Variants in TTBK2 observed in about 807,000 individuals in gnomAD.
TTBK2 encodes tau tubulin kinase 2, also known as tau-tubulin kinase 2.
TTBK2 carries 28 observed loss-of-function variants against 110.8 expected under a neutral mutation model. That is an observed-to-expected ratio of 0.25 (90% CI 0.19 to 0.35). The LOEUF (loss-of-function observed/expected upper bound fraction) is 0.35. TTBK2 is among the 10% of genes least tolerant of loss of function. The probability of loss-of-function intolerance (pLI) is 1.00; values close to 1 mark genes in which losing one functional copy is unlikely to be tolerated. For synonymous variants in TTBK2, 532 were observed against 527.3 expected (o/e 1.01, Z -0.12); for missense variants, 1,369 against 1,500.3 (o/e 0.91, Z 1.45).
At chr15:42,763,179 T>TATATATAC (rs1889160690) in intron 13 of TTBK2, among the ~76,000 whole-genome samples, 1 of 22,364 alleles carries the variant, frequency 4.5e-5, no homozygotes, top group Non-Finnish European at 8.1e-5. Context: ...TATATATATA[T>TATATATAC]ATATATATAT....
In TTBK2 at chr15:42,741,522, T is replaced by TA. The variant is rs1420516459; in HGVS notation, c.*4272dup. ...TCCATCTCCTCAGTGACACAGGTGCTAAAGTACCTCTCCCCTGAGGCAAAG... is the reference window on the plus strand; with the variant it reads ...TCCATCTCCTCAGTGACACAGGTGCTAAAAGTACCTCTCCCCTGAGGCAAAG... On this transcript the variant is annotated 3_prime_UTR_variant, in exon 15 of 15. Coordinates refer to ENST00000267890, the MANE Select transcript of TTBK2 (RefSeq NM_173500.4). 1.3e-5 allele frequency: 2 copies of TA among 152,200 alleles called. No individual in the cohort carries two copies. Among genetic ancestry groups the TA allele is most frequent in the Non-Finnish European group, 2.9e-5 (2 of 68,042 alleles). 9.4% of individuals were successfully genotyped at this position (152,200 alleles called of 1,614,324 possible). A position where few individuals can be genotyped will look rare whatever the true frequency, so the allele number is the denominator to read the frequency against.
chr15:42,811,572 T>C, intron 8 of TTBK2, 116 bp downstream of exon 8: 3 of 775,538 alleles, frequency 3.9e-6, no homozygotes, highest in Non-Finnish European at 6.5e-6. Context: ...TGGGACATAG[T>C]GAAAATGCTT....
intron 13 of TTBK2, among the ~76,000 whole-genome samples, chr15:42,760,408 A>AAC: frequency 6.8e-6 from 1 of 146,992 alleles, no homozygotes; most frequent in African/African-American, 2.7e-5. Context: ...AAAAAACAAA[A>AAC]AAAGAATTCA....
intron 4 of TTBK2, 33 bp from the exon 5 acceptor site, chr15:42,830,111 G>A: frequency 6.2e-7 from 1 of 1,612,822 alleles, no homozygotes; most frequent in Non-Finnish European, 8.5e-7. Context: ...TTCAAATACA[G>A]TACTAAAACT....
At chr15:42,833,142 A>C (rs1432378636) in intron 4 of TTBK2, among the ~76,000 whole-genome samples, 2 of 151,748 alleles carry the variant, frequency 1.3e-5, no homozygotes, top group Middle Eastern at 3.4e-3. Flanking sequence ...ACAAAAAAAA[A>C]CCCATGACAC....
intron 3 of TTBK2, among the ~76,000 whole-genome samples, chr15:42,868,591 T>A (rs1237612340): frequency 1.3e-5 from 2 of 151,866 alleles, no homozygotes; most frequent in African/African-American, 4.8e-5. Context: ...GTGTGGTGGT[T>A]CACACCTTTA....
intron 3 of TTBK2, among the ~76,000 whole-genome samples, chr15:42,864,721 T>C (rs1488204321): frequency 6.6e-6 from 1 of 152,124 alleles, no homozygotes; most frequent in Non-Finnish European, 1.5e-5. Context: ...GCAGTAGACT[T>C]CTCTTACAAG....
rs961384412 is a variant in TTBK2, at chr15:42,777,109, C to T, written c.1331G>A (p.Arg444His). 43 of 1,614,048 alleles carry T rather than the reference C, an allele frequency of 2.7e-5. No individual in the cohort carries two copies. Among genetic ancestry groups the T allele is most frequent in the Non-Finnish European group, 3.0e-5 (35 of 1,180,042 alleles). Residue 444 changes from arginine to histidine, a missense_variant, in exon 12 of 15, where the codon CGT becomes CAT. Physicochemically the swap from Arg to His is conservative, Grantham distance 29. Coordinates refer to ENST00000267890, the MANE Select transcript of TTBK2 (RefSeq NM_173500.4). ...DRDIPLVRKL[R>H]SIHSFELEKR... is the part of the protein sequence containing the mutation. ...TTCCAGCTCAAAGCTGTGAATGGAACGTAACTTTCGCACCAGTGGAATATC... is the reference window on the plus strand; with the variant it reads ...TTCCAGCTCAAAGCTGTGAATGGAATGTAACTTTCGCACCAGTGGAATATC...
chr15:42,855,685 T>C (rs1893904907), intron 3 of TTBK2, among the ~76,000 whole-genome samples: 1 of 152,166 alleles, frequency 6.6e-6, no homozygotes, highest in South Asian at 2.1e-4. Flanking sequence ...TTATTTATTA[T>C]ATATTGATTT....
chr15:42,822,559 G>A (rs1892349217), intron 6 of TTBK2, among the ~76,000 whole-genome samples: 1 of 151,978 alleles, frequency 6.6e-6, no homozygotes, highest in Non-Finnish European at 1.5e-5. Flanking sequence ...GTTGGTGTTA[G>A]AGAAACAAAT....
intron 13 of TTBK2, among the ~76,000 whole-genome samples, chr15:42,755,016 A>AC (rs1413420830): frequency 6.8e-6 from 1 of 147,296 alleles, no homozygotes; most frequent in African/African-American, 2.5e-5. Flanking sequence ...CTCAGGAAAA[A>AC]AAAAAAAAAA....
intron 13 of TTBK2, among the ~76,000 whole-genome samples, chr15:42,755,346 T>C (rs1438496899): frequency 6.6e-6 from 1 of 152,212 alleles, no homozygotes; most frequent in Non-Finnish European, 1.5e-5. Flanking sequence ...AGATTTAGTT[T>C]AGAGTCGATC....
rs749712720 is a variant in TTBK2, at chr15:42,777,209, C to G, written c.1231G>C (p.Ala411Pro). 1 of 1,614,138 alleles carries G rather than the reference C, an allele frequency of 6.2e-7. No individual in the cohort carries two copies. The highest frequency in any genetic ancestry group is 1.7e-5 in the Admixed American group (1 of 60,012). ...CTTGGAGCATTGAGAAGACCATTTG[C>G]CTGGCCATGGCTGTTCTCCTCTTCA... ...ATEEENSHGQ[A>P]NGLLNAPSLG... The change falls in exon 12 of 15, where the codon GCA becomes CCA. Residue 411 changes from alanine to proline, a missense_variant. By Grantham distance (27) the Ala-to-Pro change is conservative. This residue lies in a region of TTBK2 where 1,097 missense variants were observed against 1,114.7 expected (regional missense o/e 0.98). Coordinates refer to ENST00000267890, the MANE Select transcript of TTBK2 (RefSeq NM_173500.4).
chr15:42,747,243 C>T (rs932058278), intron 14 of TTBK2, among the ~76,000 whole-genome samples: 1 of 152,200 alleles, frequency 6.6e-6, no homozygotes, highest in African/African-American at 2.4e-5. Context: ...GCTGGGATTA[C>T]AAGCATGAAC....
chr15:42,886,722 A>G (rs1046765695), intron 1 of TTBK2, among the ~76,000 whole-genome samples: 2 of 152,228 alleles, frequency 1.3e-5, no homozygotes, highest in African/African-American at 4.8e-5. Context: ...CCATATCTCC[A>G]GCACACAAAA....
intron 2 of TTBK2, among the ~76,000 whole-genome samples, chr15:42,876,411 G>C (rs2141127310): frequency 6.6e-6 from 1 of 152,200 alleles, no homozygotes; most frequent in African/African-American, 2.4e-5. Flanking sequence ...CCTTAACACA[G>C]TGCTTACTAT....
At chr15:42,873,350 C>A (rs1215356581) in intron 2 of TTBK2, among the ~76,000 whole-genome samples, 1 of 152,102 alleles carries the variant, frequency 6.6e-6, no homozygotes, top group Non-Finnish European at 1.5e-5. Flanking sequence ...AGGAGAATTG[C>A]TTGAACCCAG....
chr15:42,840,581 T>G (rs972263463), intron 3 of TTBK2, 148 bp from the exon 4 acceptor site: 2 of 780,314 alleles, frequency 2.6e-6, no homozygotes, highest in Admixed American at 1.8e-5. Flanking sequence ...TATTCAAATT[T>G]TCTACCTACC....
intron 9 of TTBK2, chr15:42,800,917 TC>T: frequency 1.4e-6 from 1 of 698,094 alleles, no homozygotes. Context: ...GTGGCCTCCC[TC>T]CTAGGCTCTG....
Sources: allele counts gnomAD v4.1 joint callset (sites outside exome capture counted in the v4.1 genomes callset), GRCh38; gene constraint gnomAD v4.1.1; regional missense constraint gnomAD v4.1.1; transcripts MANE v1.5; gene names NCBI Gene and HGNC (gene_info 2026-07-23, HGNC 2026-07-21).